Variants in KRAS observed in about 807,000 individuals in gnomAD.
The protein encoded by KRAS is GTPase KRas.
A neutral mutation model predicts 21.0 loss-of-function variants in KRAS; 1 was observed. The observed-to-expected ratio is 0.05, with a 90% confidence interval of 0.02 to 0.23. The LOEUF (loss-of-function observed/expected upper bound fraction) is 0.23. KRAS is among the 10% of genes least tolerant of loss of function. The pLI, the probability that KRAS is intolerant of heterozygous loss-of-function variation, is 1.00. For synonymous variants in KRAS, 67 were observed against 72.5 expected, an observed-to-expected ratio of 0.92 and a Z score of 0.39; for missense variants, 107 against 221.8, an observed-to-expected ratio of 0.48 and a Z score of 3.29.
intron 2 of KRAS, among the ~76,000 whole-genome samples, chr12:25,240,593 G>T (rs2135800468): frequency 1.3e-5 from 2 of 152,262 alleles, no homozygotes; most frequent in Middle Eastern, 6.8e-3. Context: ...TGTATCTCTA[G>T]CCCACAGGAA....
chr12:25,215,431 A>C, intron 4 of KRAS: 1 of 1,613,300 alleles, frequency 6.2e-7, no homozygotes, highest in Non-Finnish European at 8.5e-7. Flanking sequence ...CTGAACTTAA[A>C]CTTACCAGAT....
intron 4 of KRAS, among the ~76,000 whole-genome samples, chr12:25,224,483 A>G (rs372601767): frequency 2.0e-4 from 31 of 152,324 alleles, no homozygotes; most frequent in East Asian, 7.7e-4. Context: ...GAATAAAGAT[A>G]TAAGGAAAGA....
At chr12:25,250,118 C>A (rs533531062) in intron 1 of KRAS, among the ~76,000 whole-genome samples, 1 of 152,186 alleles carries the variant, frequency 6.6e-6, no homozygotes, top group East Asian at 1.9e-4. Context: ...TTTCCAAACA[C>A]AATAACCTCA....
In KRAS at chr12:25,206,967, CAATG is replaced by C. The variant is rs1041059234; in HGVS notation, c.*2824_*2827del. ...TATAATCAAGTTTATTCCTTTAAAA[CAATG>C]AAGTGATTTACATAAAGTAGCTTGA... On this transcript the variant is annotated 3_prime_UTR_variant, in exon 5 of 5. Coordinates refer to ENST00000311936, the MANE Select transcript of KRAS (RefSeq NM_004985.5). The C allele has an allele frequency of 9.7e-6, 2 of 205,180 alleles. No individual in the cohort carries two copies. Among genetic ancestry groups the C allele is most frequent in the African/African-American group, 4.6e-5 (2 of 43,816 alleles). 12.7% of individuals were successfully genotyped at this position (205,180 alleles called of 1,614,324 possible). A position where few individuals can be genotyped will look rare whatever the true frequency, so the allele number is the denominator to read the frequency against.
chr12:25,213,111 T>C (rs1185621965), intron 4 of KRAS, among the ~76,000 whole-genome samples: 2 of 152,100 alleles, frequency 1.3e-5, no homozygotes, highest in African/African-American at 4.8e-5. Context: ...AATTTTTAAT[T>C]ACCAAGTATA....
rs775580420 is a variant in KRAS at position 25,209,559 on chromosome 12, G to A, written c.*236C>T. 3 of 1,330,450 alleles carry A rather than the reference G, an allele frequency of 2.3e-6. No homozygotes were observed. The East Asian group carries it at 8.8e-5, about 39-fold the overall frequency. 82.4% of individuals were successfully genotyped at this position (1,330,450 alleles called of 1,614,324 possible). ...CCAAGACAGAAATCTTAGGTATTCA[G>A]TTTCTTTTTCACAGGCATTGCTAGT... On this transcript the variant is annotated 3_prime_UTR_variant, in exon 5 of 5. Coordinates refer to ENST00000311936, the MANE Select transcript of KRAS (RefSeq NM_004985.5).
At chr12:25,233,922 A>G (rs1004386609) in intron 2 of KRAS, 1 of 193,226 alleles carries the variant, frequency 5.2e-6, no homozygotes, top group Non-Finnish European at 1.1e-5. Flanking sequence ...TATATAATAC[A>G]AATCCTTCTC....
At chr12:25,248,012 G>T (rs951493901) in intron 1 of KRAS, among the ~76,000 whole-genome samples, 1 of 151,874 alleles carries the variant, frequency 6.6e-6, no homozygotes, top group Admixed American at 6.6e-5. Flanking sequence ...ACAAATCAAA[G>T]ATTTTTTTTA....
chr12:25,250,911 C>CGACGCG lies in KRAS; in HGVS notation c.-173_-172insCGCGTC. The CGACGCG allele has an allele frequency of 4.0e-6, 1 of 250,066 alleles. No homozygotes were observed. The highest frequency in any genetic ancestry group is 7.5e-6 in the Non-Finnish European group (1 of 132,594). The allele number at this position is 250,066 out of a possible 1,614,324, so 15.5% of individuals were successfully genotyped here. A position where few individuals can be genotyped will look rare whatever the true frequency, so the allele number is the denominator to read the frequency against. On this transcript the variant is annotated 5_prime_UTR_variant, in exon 1 of 5. Transcript: ENST00000311936. ...CTGCCGCCGCCGCTGCTGCCTCCGCCGCCGCGGCCGCCGCCTAGGAAAATC... is the reference window on the plus strand; with the variant it reads ...CTGCCGCCGCCGCTGCTGCCTCCGCCGACGCGGCCGCGGCCGCCGCCTAGGAAAATC...
intron 4 of KRAS, among the ~76,000 whole-genome samples, chr12:25,222,638 C>A (rs1362383701): frequency 6.6e-6 from 1 of 151,988 alleles, no homozygotes; most frequent in African/African-American, 2.4e-5. Flanking sequence ...GTCTACAAAT[C>A]AAATTTGTTT....
rs564194832 is a variant in KRAS at position 25,248,267 on chromosome 12, C to A, written c.-12+2484G>T. ...CCTGAGGTCAGGAGGTCGAGACCAG[C>A]CTGGCCAACATGGTGAAATCCCGTA... On this transcript the variant is annotated intron_variant, in intron 1 of 4. Coordinates refer to ENST00000311936, the MANE Select transcript of KRAS (RefSeq NM_004985.5). 5.9e-5 allele frequency among the ~76,000 whole-genome samples: 9 copies of A among 152,136 alleles called. No individual in the cohort carries two copies. In the East Asian group the frequency reaches 1.8e-3, roughly 30 times the overall value.
intron 2 of KRAS, among the ~76,000 whole-genome samples, chr12:25,242,715 C>T (rs1298275625): frequency 6.6e-6 from 1 of 152,130 alleles, no homozygotes; most frequent in Non-Finnish European, 1.5e-5. Context: ...ACTTACAAAT[C>T]TGAATTAGTC....
chr12:25,241,898 T>C (rs764040340), intron 2 of KRAS, among the ~76,000 whole-genome samples: 14 of 152,326 alleles, frequency 9.2e-5, no homozygotes, highest in Admixed American at 7.2e-4. Flanking sequence ...CTCAGAAGAA[T>C]AGCAGCTTAC....
chr12:25,249,125 A>G (rs1319970244), intron 1 of KRAS, among the ~76,000 whole-genome samples: 3 of 151,938 alleles, frequency 2.0e-5, no homozygotes, highest in Non-Finnish European at 4.4e-5. Flanking sequence ...GAAGGCTTAG[A>G]CTTCAGCTAT....
intron 2 of KRAS, among the ~76,000 whole-genome samples, chr12:25,232,570 G>A (rs540139971): frequency 6.8e-4 from 103 of 152,214 alleles, no homozygotes; most frequent in Non-Finnish European, 1.0e-3. Context: ...AAGGTGTTAC[G>A]TTTTTAATTA....
At position 25,208,167 on chromosome 12, in the gene KRAS, T is replaced by TAA. The variant is rs71065923; in HGVS notation, c.*1626_*1627dup. On this transcript the variant is annotated 3_prime_UTR_variant, in exon 5 of 5. Coordinates refer to ENST00000311936, the MANE Select transcript of KRAS (RefSeq NM_004985.5). ...AAATGGAATATAAATTACATAGTTG[T>TAA]AAAAAAAAAAAACTAAGAGTTTGAG... 0.036 allele frequency: 7,684 copies of TAA among 212,838 alleles called. 9 individuals are homozygous for TAA. Among genetic ancestry groups the TAA allele is most frequent in the East Asian group, 0.089 (1,169 of 13,106 alleles). The allele number at this position is 212,838 out of a possible 1,614,324, so 13.2% of individuals were successfully genotyped here.
At chr12:25,239,203 A>AC (rs1281508759) in intron 2 of KRAS, among the ~76,000 whole-genome samples, 1 of 151,846 alleles carries the variant, frequency 6.6e-6, no homozygotes, top group Admixed American at 6.6e-5. Flanking sequence ...TATCTTTAGT[A>AC]CCCCCCATCC....
intron 1 of KRAS, among the ~76,000 whole-genome samples, chr12:25,249,931 G>A (rs1951743099): frequency 6.6e-6 from 1 of 152,204 alleles, no homozygotes; most frequent in Admixed American, 6.5e-5. Flanking sequence ...AAGCAAAACA[G>A]ACCATCTGGG....
chr12:25,250,365 G>A (rs1053899185), intron 1 of KRAS, among the ~76,000 whole-genome samples: 5 of 152,242 alleles, frequency 3.3e-5, no homozygotes, highest in East Asian at 1.9e-4. Flanking sequence ...GGAGGCCGGG[G>A]CGCCGCGGGA....
Sources: allele counts gnomAD v4.1 joint callset (sites outside exome capture counted in the v4.1 genomes callset), GRCh38; gene constraint gnomAD v4.1.1; transcripts MANE v1.5; gene names NCBI Gene and HGNC (gene_info 2026-07-23, HGNC 2026-07-21).